The following CADM2 variants were observed in gnomAD, a reference collection of about 807,000 sequenced individuals.
CADM2 encodes the protein cell adhesion molecule 2.
In CADM2, 12 loss-of-function variants were observed where a neutral mutation model predicts 49.8. That is an observed-to-expected ratio of 0.24 (90% CI 0.15 to 0.39). The LOEUF is 0.39. Ranked by LOEUF, CADM2 falls within the 10% of genes least tolerant of loss-of-function variation. The pLI is 1.00. For missense variants in CADM2, 378 were observed against 492.3 expected (o/e 0.77, Z 2.20); for synonymous variants, 214 against 175.4 (o/e 1.22, Z -1.74).
chr3:85,290,763 A>G (rs902032265), intron 1 of CADM2, among the ~76,000 whole-genome samples: 11 of 152,204 alleles, frequency 7.2e-5, no homozygotes, highest in Non-Finnish European at 1.5e-5. Context: ...AACAGAAGGG[A>G]CATCCACACC....
At chr3:86,010,632 A>G (rs984019697) in intron 8 of CADM2, among the ~76,000 whole-genome samples, 5 of 151,300 alleles carry the variant, frequency 3.3e-5, no homozygotes, top group Admixed American at 2.6e-4. Flanking sequence ...CACTGGTGCA[A>G]ATAAATATTG....
intron 1 of CADM2, among the ~76,000 whole-genome samples, chr3:85,143,657 C>T (rs2039645264): frequency 6.6e-6 from 1 of 152,258 alleles, no homozygotes; most frequent in African/African-American, 2.4e-5. Context: ...ATTTCTATTT[C>T]AAGATAAATT....
At position 85,070,616 on chromosome 3, in the gene CADM2, A is replaced by T. The variant is rs114980626; in HGVS notation, c.61+110948A>T. 3.7e-3 allele frequency among the ~76,000 whole-genome samples: 566 copies of T among 152,262 alleles called. 2 individuals carry two copies. Among genetic ancestry groups the T allele is most frequent in the African/African-American group, 0.013 (546 of 41,556 alleles). On this transcript the variant is annotated intron_variant, in intron 1 of 9. Transcript: ENST00000383699. ...AAAACGAAAGAAAGTTAAATAGAAC[A>T]AAAAAAGGAACTATGCTACTTCCTG... is the stretch of plus-strand genomic sequence containing the variant.
Position 85,741,826 on chromosome 3 carries a change from T to C in CADM2, c.88+15278T>C, listed in dbSNP as rs191375877. On this transcript the variant is annotated intron_variant, in intron 2 of 9. Coordinates refer to ENST00000383699, the MANE Select transcript of CADM2 (RefSeq NM_001167675.2). ...ACTTAAAAAATAAAATTGGAACTTA[T>C]TTATTTTCCTTAAAAAATCATTCTA... 2.8e-4 allele frequency among the ~76,000 whole-genome samples: 42 copies of C among 152,370 alleles called. No homozygotes were observed. The East Asian group carries it at 7.7e-3, about 28-fold the overall frequency.
chr3:85,722,470 A>C (rs1344755740), intron 1 of CADM2, among the ~76,000 whole-genome samples: 1 of 152,168 alleles, frequency 6.6e-6, no homozygotes, highest in Non-Finnish European at 1.5e-5. Context: ...CCCAAATCAA[A>C]ATATTTCAAT....
chr3:85,642,300 A>G (rs2064746543), intron 1 of CADM2, among the ~76,000 whole-genome samples: 1 of 152,210 alleles, frequency 6.6e-6, no homozygotes, highest in South Asian at 2.1e-4. Flanking sequence ...TTTAAACTTT[A>G]AACCTAAGAG....
chr3:85,388,731 A>T (rs2034370258), intron 1 of CADM2, among the ~76,000 whole-genome samples: 1 of 152,086 alleles, frequency 6.6e-6, no homozygotes, highest in African/African-American at 2.4e-5. Flanking sequence ...TTAAGGAGGA[A>T]AAGAGAGAAC....
chr3:86,017,253 G>A (rs7630657), intron 8 of CADM2, among the ~76,000 whole-genome samples: 34,379 of 150,264 alleles, frequency 0.23, 4,289 homozygotes, highest in East Asian at 0.33. Context: ...GGGACAATCT[G>A]GAAAATATAT....
intron 3 of CADM2, among the ~76,000 whole-genome samples, chr3:85,874,240 C>T (rs1026136224): frequency 6.6e-5 from 10 of 152,028 alleles, no homozygotes; most frequent in Admixed American, 2.6e-4. Flanking sequence ...GGTACAACTT[C>T]GGGATTATTA....
intron 2 of CADM2, among the ~76,000 whole-genome samples, chr3:85,740,816 T>C (rs7623838): frequency 6.6e-6 from 1 of 152,208 alleles, no homozygotes; most frequent in Non-Finnish European, 1.5e-5. Flanking sequence ...ACTGTAGCAG[T>C]TCTGTAGCTT....
intron 8 of CADM2, among the ~76,000 whole-genome samples, chr3:86,059,639 A>G (rs1474527458): frequency 1.3e-5 from 2 of 152,226 alleles, no homozygotes; most frequent in Admixed American, 1.3e-4. Context: ...TATCTGAATA[A>G]CAATGTAGAC....
chr3:84,984,059 A>G (rs550238701), intron 1 of CADM2, among the ~76,000 whole-genome samples: 2 of 151,512 alleles, frequency 1.3e-5, no homozygotes, highest in East Asian at 3.9e-4. Context: ...ACACACACAC[A>G]CACACACACA....
At chr3:86,041,586 T>C (rs986167913) in intron 8 of CADM2, among the ~76,000 whole-genome samples, 9 of 152,054 alleles carry the variant, frequency 5.9e-5, no homozygotes, top group African/African-American at 2.2e-4. Context: ...ATAAAGCAAG[T>C]CCTTAGAGAC....
chr3:85,735,480 G>A (rs939797994), intron 2 of CADM2, among the ~76,000 whole-genome samples: 1 of 152,114 alleles, frequency 6.6e-6, no homozygotes, highest in African/African-American at 2.4e-5. Flanking sequence ...AGGATTTTTG[G>A]TATCCTTCAA....
chr3:85,016,382 G>A (rs534447044), intron 1 of CADM2, among the ~76,000 whole-genome samples: 1 of 152,200 alleles, frequency 6.6e-6, no homozygotes, highest in Non-Finnish European at 1.5e-5. Flanking sequence ...AAAGATATAG[G>A]TTGGTTTAGA....
intron 1 of CADM2, among the ~76,000 whole-genome samples, chr3:84,968,011 T>C (rs1392579132): frequency 6.6e-6 from 1 of 152,074 alleles, no homozygotes; most frequent in Non-Finnish European, 1.5e-5. Flanking sequence ...TGTTACATAA[T>C]CCCTTTCTAA....
intron 1 of CADM2, among the ~76,000 whole-genome samples, chr3:85,277,757 A>G (rs1365672989): frequency 6.6e-6 from 1 of 151,332 alleles, no homozygotes; most frequent in Non-Finnish European, 1.5e-5. Flanking sequence ...AATTTATAGT[A>G]TGTTTGCCTT....
At chr3:85,515,632 T>TATATATATATATA (rs1491095321) in intron 1 of CADM2, among the ~76,000 whole-genome samples, 45 of 94,252 alleles carry the variant, frequency 4.8e-4, no homozygotes, top group African/African-American at 2.0e-3. Context: ...TATATATATA[T>TATATATATATATA]TTTTTTTTTT....
chr3:85,737,086 C>G (rs1256842841), intron 2 of CADM2, among the ~76,000 whole-genome samples: 1 of 152,110 alleles, frequency 6.6e-6, no homozygotes, highest in Non-Finnish European at 1.5e-5. Flanking sequence ...GTACTGGAGA[C>G]CAACAAGCAG....
Sources: gnomAD v4.1 joint callset for allele counts (sites outside exome capture counted in the v4.1 genomes callset) on GRCh38, gnomAD v4.1.1 for gene constraint, MANE v1.5 for transcripts, NCBI Gene and HGNC (gene_info 2026-07-23, HGNC 2026-07-21) for gene names.